RAD54B: variants seen among roughly 807,000 people sequenced by gnomAD.
The protein encoded by RAD54B is DNA repair and recombination protein RAD54B.
In RAD54B, 78 loss-of-function variants were observed where a neutral mutation model predicts 95.8. That is an observed-to-expected ratio of 0.81 (90% CI 0.68 to 0.98). The LOEUF (loss-of-function observed/expected upper bound fraction) is 0.98, where lower values mean the gene tolerates loss of function less well. Among genes scored for constraint, RAD54B ranks in the 50% least tolerant of loss-of-function variants. The pLI, the probability that RAD54B is intolerant of heterozygous loss-of-function variation, is 0.00. For missense variants in RAD54B, 957 were observed against 1,056.6 expected (o/e 0.91, Z 1.31); for synonymous variants, 328 against 354.9 (o/e 0.92, Z 0.85).
At position 94,454,986 on chromosome 8, in the gene RAD54B, T is replaced by A. The variant is rs536945171; in HGVS notation, c.304+3282A>T. ...TAATCTTCCACTCTTCACTACCTTT[T>A]TCCTCTCAGCCTACAACATACTACC... is the stretch of plus-strand genomic sequence containing the variant. On this transcript the variant is annotated intron_variant, in intron 3 of 14. Transcript: ENST00000336148. Among the ~76,000 whole-genome samples the A allele has an allele frequency of 2.0e-5, 3 of 152,296 alleles. No individual in the cohort carries two copies. In the South Asian group the frequency reaches 6.2e-4, roughly 32 times the overall value.
rs182452801 is a variant in RAD54B at position 94,377,222 on chromosome 8, G to A, written c.2515+958C>T. 5.2e-3 allele frequency among the ~76,000 whole-genome samples: 796 copies of A among 152,006 alleles called. 43 individuals are homozygous for A. Among genetic ancestry groups the A allele is most frequent in the Admixed American group, 0.049 (742 of 15,272 alleles). On this transcript the variant is annotated intron_variant, in intron 14 of 14. Transcript: ENST00000336148. ...TTCTGTCAACTGTATGTTTTTTTGC[G>A]AAAGAGAAATAGGGATTAAAACCAT...
At chr8:94,448,202 T>C (rs951713854) in intron 3 of RAD54B, among the ~76,000 whole-genome samples, 7 of 152,168 alleles carry the variant, frequency 4.6e-5, no homozygotes, top group Admixed American at 1.3e-4. Context: ...TCAACTATTC[T>C]ATAGTTTTGG....
At chr8:94,458,150 G>T in intron 3 of RAD54B, 118 bp downstream of exon 3, 1 of 896,302 alleles carries the variant, frequency 1.1e-6, no homozygotes, top group Non-Finnish European at 1.6e-6. Flanking sequence ...TACCAACAAT[G>T]TAGTGGTATT....
At chr8:94,429,134 C>G (rs754708057) in intron 3 of RAD54B, 29 of 983,858 alleles carry the variant, frequency 2.9e-5, no homozygotes, top group Non-Finnish European at 3.4e-5. Context: ...GAGTGTGATT[C>G]TGGTGTTTAA....
chr8:94,429,177 A>T, intron 3 of RAD54B: 1 of 894,590 alleles, frequency 1.1e-6, no homozygotes, highest in South Asian at 5.2e-5. Flanking sequence ...TATTGTATAC[A>T]GCCCCTAAAT....
At position 94,378,293 on chromosome 8, in the gene RAD54B, T is replaced by C. The variant is rs1041669165; in HGVS notation, c.2402A>G (p.His801Arg). 1.2e-6 allele frequency: 2 copies of C among 1,613,988 alleles called. No homozygotes were observed. The highest frequency in any genetic ancestry group is 1.1e-5 in the South Asian group (1 of 91,030). Residue 801 changes from histidine (H) to arginine (R), a missense_variant, in exon 14 of 15, where the codon CAT becomes CGT. Physicochemically the swap from His to Arg is conservative, Grantham distance 29 (BLOSUM62 0). Transcript: ENST00000336148. ...AVVDLTKTSE[H>R]IQFSVEELKN... The stretch of plus-strand genomic sequence containing the variant: ...AAGTTCTTCTACTGAAAACTGAATA[T>C]GTTCAGATGTCTTGGTGAGGTCGAC...
chr8:94,464,750 TAAAGA>T (rs1232195600), intron 2 of RAD54B, among the ~76,000 whole-genome samples: 1 of 152,144 alleles, frequency 6.6e-6, no homozygotes, highest in African/African-American at 2.4e-5. Context: ...AGGTAATTTA[TAAAGA>T]AAAGAGGTTT....
Position 94,400,435 on chromosome 8 carries a change from C to G in RAD54B, c.973G>C (p.Ala325Pro). Residue 325 changes from alanine to proline, a missense_variant, in exon 7 of 15, where the codon GCT (alanine) becomes CCT (proline). By Grantham distance (27) the Ala-to-Pro change is conservative. Coordinates refer to ENST00000336148, the MANE Select transcript of RAD54B (RefSeq NM_012415.3). ...GTCTTCCCTAAACCCATTTCATCAG[C>G]AAGAATAGCTCCACATCTGCCATTC... The part of the protein sequence containing the change: ...RMNGRCGAIL[A>P]DEMGLGKTLQ... The G allele has an allele frequency of 6.2e-7, 1 of 1,612,448 alleles. No individual in the cohort carries two copies. The highest frequency in any genetic ancestry group is 8.5e-7 in the Non-Finnish European group (1 of 1,179,162).
chr8:94,411,069 G>A, intron 4 of RAD54B, 52 bp downstream of exon 4: 1 of 1,347,930 alleles, frequency 7.4e-7, no homozygotes, highest in Non-Finnish European at 1.0e-6. Context: ...TGTAACCGGA[G>A]ATACATACTA....
At chr8:94,443,154 G>A (rs547595004) in intron 3 of RAD54B, among the ~76,000 whole-genome samples, 5 of 152,236 alleles carry the variant, frequency 3.3e-5, no homozygotes, top group East Asian at 1.9e-4. Flanking sequence ...TCACTCCTTC[G>A]ATCATGTCTT....
At chr8:94,448,687 G>T in intron 3 of RAD54B, among the ~76,000 whole-genome samples, 1 of 110,896 alleles carries the variant, frequency 9.0e-6, no homozygotes. Context: ...TATGTGGAAT[G>T]TTACTTTAAA....
chr8:94,372,327 T>G lies in RAD54B; in HGVS notation c.2576A>C (p.Lys859Thr). The change falls in exon 15 of 15, where the codon AAA becomes ACA. Residue 859 changes from lysine (K) to threonine (T), a missense_variant. Coordinates refer to ENST00000336148, the MANE Select transcript of RAD54B (RefSeq NM_012415.3). ...RDCQLGPHHQ[K>T]SNSLKPLSMS... is the part of the protein sequence containing the mutation. ...AGAAAGAGGTTTCAGGGAGTTAGATTTCTGGTGATGTGGACCAAGCTGACA... is the reference window on the plus strand; with the variant it reads ...AGAAAGAGGTTTCAGGGAGTTAGATGTCTGGTGATGTGGACCAAGCTGACA... The G allele has an allele frequency of 6.2e-7, 1 of 1,613,824 alleles. No homozygotes were observed. The highest frequency in any genetic ancestry group is 1.1e-5 in the South Asian group (1 of 91,052).
rs573115290 is a variant in RAD54B, at chr8:94,379,328, C to T, written c.2248-694G>A. ...ATGCAGGTGTTCCATGACTACAGAACTGACCCCAAACAAAATTCTGGACAC... is the reference window on the plus strand; with the variant it reads ...ATGCAGGTGTTCCATGACTACAGAATTGACCCCAAACAAAATTCTGGACAC... On this transcript the variant is annotated intron_variant, in intron 12 of 14. Coordinates refer to ENST00000336148, the MANE Select transcript of RAD54B (RefSeq NM_012415.3). 5.9e-5 allele frequency among the ~76,000 whole-genome samples: 9 copies of T among 152,304 alleles called. No homozygotes were observed. The South Asian group carries it at 1.9e-3, about 32-fold the overall frequency.
intron 9 of RAD54B, chr8:94,393,478 G>C (rs1811069990): frequency 6.3e-6 from 2 of 318,894 alleles, no homozygotes; most frequent in South Asian, 7.8e-5. Context: ...AAGTCACTTT[G>C]GTTATTTTGT....
intron 14 of RAD54B, among the ~76,000 whole-genome samples, chr8:94,375,030 A>C (rs1280598523): frequency 1.3e-5 from 2 of 152,210 alleles, no homozygotes; most frequent in East Asian, 3.8e-4. Flanking sequence ...ATAATCCACT[A>C]AACTGGCAAG....
At chr8:94,427,889 A>G (rs984211759) in intron 3 of RAD54B, 1 of 946,644 alleles carries the variant, frequency 1.1e-6, no homozygotes, top group African/African-American at 1.8e-5. Flanking sequence ...TAGTTTAAAC[A>G]TTTTCACATA....
At chr8:94,374,810 A>G (rs985568803) in intron 14 of RAD54B, among the ~76,000 whole-genome samples, 3 of 152,198 alleles carry the variant, frequency 2.0e-5, no homozygotes, top group East Asian at 1.9e-4. Context: ...ATTTTAATAT[A>G]TTTATTTGAA....
intron 2 of RAD54B, among the ~76,000 whole-genome samples, chr8:94,460,596 T>G (rs1224076329): frequency 6.6e-6 from 1 of 152,252 alleles, no homozygotes; most frequent in Non-Finnish European, 1.5e-5. Flanking sequence ...TTTCTATTGC[T>G]GCTCTCTCAA....
intron 3 of RAD54B, chr8:94,428,612 G>A (rs1273424006): frequency 1.2e-5 from 7 of 574,466 alleles, no homozygotes; most frequent in East Asian, 1.4e-4. Flanking sequence ...CAGTTATACC[G>A]TCTTTTTAAA....
Sources: allele counts gnomAD v4.1 joint callset (sites outside exome capture counted in the v4.1 genomes callset), GRCh38; gene constraint gnomAD v4.1.1; transcripts MANE v1.5; gene names NCBI Gene and HGNC (gene_info 2026-07-23, HGNC 2026-07-21).